ERBB4: variants seen among roughly 807,000 people sequenced by gnomAD.
ERBB4 encodes the protein receptor tyrosine-protein kinase erbB-4.
A neutral mutation model predicts 158.0 loss-of-function variants in ERBB4; 42 were observed. The observed-to-expected ratio is 0.27, with a 90% CI of 0.21 to 0.34. The LOEUF is 0.34. Ranked by LOEUF, ERBB4 falls within the 10% of genes least tolerant of loss-of-function variation. The pLI is 1.00. For missense variants in ERBB4, 1,333 were observed against 1,624.1 expected (o/e 0.82, Z 3.08); for synonymous variants, 583 against 558.7 (o/e 1.04, Z -0.61).
intron 16 of ERBB4, among the ~76,000 whole-genome samples, chr2:211,636,604 T>A: frequency 6.6e-6 from 1 of 152,094 alleles, no homozygotes; most frequent in South Asian, 2.1e-4. Context: ...ATAATGCCAC[T>A]TTTACTCTCC....
chr2:212,474,437 T>C (rs915297432), intron 1 of ERBB4, among the ~76,000 whole-genome samples: 1 of 152,148 alleles, frequency 6.6e-6, no homozygotes, highest in Non-Finnish European at 1.5e-5. Context: ...GATGTTAGTA[T>C]TACTGAAATG....
intron 17 of ERBB4, among the ~76,000 whole-genome samples, chr2:211,624,454 A>G (rs2069759401): frequency 6.6e-6 from 1 of 152,090 alleles, no homozygotes; most frequent in Admixed American, 6.6e-5. Context: ...GGCTGTTAAA[A>G]CTTTAGTGTA....
chr2:211,529,677 G>A (rs967722173), intron 20 of ERBB4, among the ~76,000 whole-genome samples: 1 of 152,064 alleles, frequency 6.6e-6, no homozygotes, highest in Non-Finnish European at 1.5e-5. Context: ...TCTTAAGGAC[G>A]CAAGAATGGT....
intron 1 of ERBB4, among the ~76,000 whole-genome samples, chr2:212,154,266 G>T (rs2080963218): frequency 6.6e-6 from 1 of 152,024 alleles, no homozygotes; most frequent in South Asian, 2.1e-4. Flanking sequence ...TGGCTTAAAG[G>T]ATATACACAT....
At chr2:211,824,498 C>A (rs1243075879) in intron 3 of ERBB4, among the ~76,000 whole-genome samples, 2 of 151,912 alleles carry the variant, frequency 1.3e-5, no homozygotes, top group Non-Finnish European at 2.9e-5. Context: ...GTCCTGCAAC[C>A]AAATTACTTC....
intron 3 of ERBB4, among the ~76,000 whole-genome samples, chr2:211,857,416 T>A (rs2077899529): frequency 6.6e-6 from 1 of 152,140 alleles, no homozygotes; most frequent in Admixed American, 6.6e-5. Flanking sequence ...CCCTAAAAAA[T>A]CCTCACAGCA....
rs760370909 is a variant in ERBB4 at position 211,561,993 on chromosome 2, C to T, written c.2397G>A (p.Met799Ile). Residue 799 changes from methionine to isoleucine, a missense_variant, in exon 20 of 28, where the codon ATG becomes ATA. Met to Ile is a conservative substitution (Grantham distance 10). Coordinates refer to ENST00000342788, the MANE Select transcript of ERBB4 (RefSeq NM_005235.3). ...CATACTCCAACAGGCAGCCATGGGGCATAAGTTGAGTAACCAGCTGGATGG... is the reference window on the plus strand; with the variant it reads ...CATACTCCAACAGGCAGCCATGGGGTATAAGTTGAGTAACCAGCTGGATGG... ...SPTIQLVTQL[M>I]PHGCLLEYVH... The T allele has an allele frequency of 5.6e-6, 9 of 1,614,090 alleles. No individual in the cohort carries two copies. Among genetic ancestry groups the T allele is most frequent in the Non-Finnish European group, 7.6e-6 (9 of 1,180,012 alleles).
Position 212,296,146 on chromosome 2 carries a change from TA to T in ERBB4, c.83-171244del, listed in dbSNP as rs541257764. On this transcript the variant is annotated intron_variant, in intron 1 of 27. Coordinates refer to ENST00000342788, the MANE Select transcript of ERBB4 (RefSeq NM_005235.3). ...AAGCAGCACTATATTAGGTACTTTA[TA>T]AATTTAATCTATAATGATGTATTAG... is the stretch of plus-strand genomic sequence containing the variant. Among the ~76,000 whole-genome samples, 409 of 152,122 alleles carry T rather than the reference TA, an allele frequency of 2.7e-3. 4 individuals are homozygous for T. Among genetic ancestry groups the T allele is most frequent in the African/African-American group, 9.6e-3 (400 of 41,556 alleles).
intron 20 of ERBB4, among the ~76,000 whole-genome samples, chr2:211,505,915 G>A (rs1158595968): frequency 7.0e-6 from 1 of 143,270 alleles, no homozygotes; most frequent in Non-Finnish European, 1.5e-5. Context: ...AGCCAAGATC[G>A]CACCACTGCA....
chr2:211,755,558 C>T (rs1001105130), intron 4 of ERBB4, among the ~76,000 whole-genome samples: 3 of 152,128 alleles, frequency 2.0e-5, no homozygotes, highest in African/African-American at 7.2e-5. Context: ...GGTTACTCCC[C>T]ATCACCACTA....
At chr2:211,708,774 A>T (rs1424671548) in intron 9 of ERBB4, among the ~76,000 whole-genome samples, 6 of 152,146 alleles carry the variant, frequency 3.9e-5, no homozygotes, top group Non-Finnish European at 8.8e-5. Context: ...CAATAATCAT[A>T]GGAAATAGGT....
At chr2:212,338,627 T>C (rs1255403606) in intron 1 of ERBB4, among the ~76,000 whole-genome samples, 1 of 152,180 alleles carries the variant, frequency 6.6e-6, no homozygotes, top group Non-Finnish European at 1.5e-5. Flanking sequence ...TTTCTAGATA[T>C]ACCTACACAA....
At chr2:211,644,655 A>C (rs2070720555) in intron 16 of ERBB4, among the ~76,000 whole-genome samples, 1 of 152,000 alleles carries the variant, frequency 6.6e-6, no homozygotes, top group African/African-American at 2.4e-5. Context: ...TTTATTATTA[A>C]AATTGTGTAT....
intron 3 of ERBB4, among the ~76,000 whole-genome samples, chr2:211,878,150 T>C (rs143153213): frequency 1.3e-5 from 2 of 152,242 alleles, no homozygotes; most frequent in African/African-American, 4.8e-5. Flanking sequence ...TGTATCACCG[T>C]AGAAATTAAA....
chr2:212,425,844 AG>A (rs1285002719), intron 1 of ERBB4, among the ~76,000 whole-genome samples: 2 of 151,992 alleles, frequency 1.3e-5, no homozygotes, highest in African/African-American at 2.4e-5. Flanking sequence ...TTGGGGAGAT[AG>A]AAAAGTTTTT....
At chr2:212,259,443 C>T (rs1469893206) in intron 1 of ERBB4, among the ~76,000 whole-genome samples, 1 of 152,090 alleles carries the variant, frequency 6.6e-6, no homozygotes, top group East Asian at 1.9e-4. Context: ...CTCTTCCTAT[C>T]CCTGAAATTA....
Position 211,378,450 on chromosome 2 carries a change from T to G in ERBB4, c.*5165A>C. 4.3e-6 allele frequency: 1 copy of G among 232,778 alleles called. No individual in the cohort carries two copies. 14.4% of individuals were successfully genotyped at this position (232,778 alleles called of 1,614,324 possible). A position where few individuals can be genotyped will look rare whatever the true frequency, so the allele number is the denominator to read the frequency against. ...AACCGAGTATCTGAAATTTCTATTA[T>G]TTTAGAGAGACTTTTAATGAAAAGA... On this transcript the variant is annotated 3_prime_UTR_variant, in exon 28 of 28. Coordinates refer to ENST00000342788, the MANE Select transcript of ERBB4 (RefSeq NM_005235.3).
At chr2:211,386,464 C>G (rs763300692) in intron 27 of ERBB4, among the ~76,000 whole-genome samples, 11 of 152,136 alleles carry the variant, frequency 7.2e-5, no homozygotes, top group Admixed American at 1.3e-4. Context: ...GCCAACAATA[C>G]CAGTCTTTCT....
chr2:212,105,456 G>A (rs373925771), intron 2 of ERBB4, among the ~76,000 whole-genome samples: 4 of 152,070 alleles, frequency 2.6e-5, no homozygotes, highest in East Asian at 1.9e-4. Flanking sequence ...GTTTTCAAAG[G>A]AGAAACAAAG....
Sources: allele counts gnomAD v4.1 joint callset (sites outside exome capture counted in the v4.1 genomes callset), GRCh38; gene constraint gnomAD v4.1.1; transcripts MANE v1.5; gene names NCBI Gene and HGNC (gene_info 2026-07-23, HGNC 2026-07-21).